SMC2: variants seen among roughly 807,000 people sequenced by gnomAD.
The protein encoded by SMC2 is structural maintenance of chromosomes protein 2.
In SMC2, 41 loss-of-function variants were observed where a neutral mutation model predicts 142.6. The ratio of observed to expected loss-of-function variants is 0.29; its 90% CI spans 0.22 to 0.37. The LOEUF is 0.37. Ranked by LOEUF, SMC2 falls within the 10% of genes least tolerant of loss-of-function variation. The pLI, the probability that SMC2 is intolerant of heterozygous loss-of-function variation, is 1.00. For synonymous variants in SMC2, 463 were observed against 457.5 expected (o/e 1.01, Z -0.15); for missense variants, 1,265 against 1,373.7 (o/e 0.92, Z 1.25).
At chr9:104,103,628 A>G (rs1831419533) in intron 9 of SMC2, among the ~76,000 whole-genome samples, 1 of 152,216 alleles carries the variant, frequency 6.6e-6, no homozygotes, top group Non-Finnish European at 1.5e-5. Context: ...AGTCAAGTAT[A>G]TAGTCTCACA....
rs372814232 is a variant in SMC2, at chr9:104,099,655, A to G, written c.453A>G (p.Thr151=). The stretch of plus-strand genomic sequence containing the variant: ...TATTTTATTTTCAGGGCCGAATTAC[A>G]AAAGTATTGAATATGAAACCTCCAG... The part of the protein sequence containing the change: ...PHFLIMQGRI[T]KVLNMKPPEI... Residue 151 remains threonine, a synonymous_variant, in exon 5 of 25, where the codon ACA becomes ACG. Transcript: ENST00000374793. The G allele has an allele frequency of 1.7e-5, 27 of 1,570,866 alleles. No homozygotes were observed. The highest frequency in any genetic ancestry group is 4.1e-5 in the African/African-American group (3 of 73,980).
At chr9:104,123,423 G>A (rs1291074268) in intron 17 of SMC2, among the ~76,000 whole-genome samples, 191 bp downstream of exon 17, 2 of 152,092 alleles carry the variant, frequency 1.3e-5, no homozygotes, top group Non-Finnish European at 2.9e-5. Flanking sequence ...TCAAAGGTCT[G>A]TTCGTTTTTA....
At chr9:104,137,174 A>T (rs908528791) in intron 23 of SMC2, among the ~76,000 whole-genome samples, 1 of 152,184 alleles carries the variant, frequency 6.6e-6, no homozygotes, top group South Asian at 2.1e-4. Context: ...GCAAGCATTG[A>T]GTTGCCTATT....
At chr9:104,106,958 G>A (rs1030490631) in intron 9 of SMC2, among the ~76,000 whole-genome samples, 2 of 152,112 alleles carry the variant, frequency 1.3e-5, no homozygotes, top group African/African-American at 2.4e-5. Context: ...GGAACTTTCA[G>A]TAAACCCCGC....
At chr9:104,098,241 AC>A (rs1161724119) in intron 3 of SMC2, among the ~76,000 whole-genome samples, 1 of 152,226 alleles carries the variant, frequency 6.6e-6, no homozygotes, top group African/African-American at 2.4e-5. Context: ...ATAACTAGTT[AC>A]CAAAAGTACT....
chr9:104,114,117 T>A, intron 12 of SMC2, 36 bp downstream of exon 12: 1 of 1,213,084 alleles, frequency 8.2e-7, no homozygotes, highest in Non-Finnish European at 1.2e-6. Flanking sequence ...AACATAGTAA[T>A]AATCAAGACA....
At chr9:104,093,245 T>G (rs564210896), upstream of SMC2, among the ~76,000 whole-genome samples, 245 of 152,278 alleles carry the variant, frequency 1.6e-3, no homozygotes, top group African/African-American at 5.7e-3. Flanking sequence ...CCTTCCTAAC[T>G]CTTAAGTATC....
chr9:104,130,324 A>G (rs1454061899), intron 21 of SMC2, among the ~76,000 whole-genome samples: 1 of 152,132 alleles, frequency 6.6e-6, no homozygotes, highest in African/African-American at 2.4e-5. Flanking sequence ...CAAAACTTTG[A>G]GTCTGGGAAG....
chr9:104,102,940 A>G (rs1217934243), intron 9 of SMC2, among the ~76,000 whole-genome samples: 1 of 152,174 alleles, frequency 6.6e-6, no homozygotes, highest in Admixed American at 6.5e-5. Flanking sequence ...GATAAGCTTA[A>G]GAAATACAGT....
intron 9 of SMC2, among the ~76,000 whole-genome samples, chr9:104,105,006 C>G (rs1188874173): frequency 6.6e-6 from 1 of 152,196 alleles, no homozygotes; most frequent in Non-Finnish European, 1.5e-5. Flanking sequence ...GTATTTGTGT[C>G]TCTGCGATAC....
intron 1 of SMC2, among the ~76,000 whole-genome samples, chr9:104,095,017 C>T (rs1830299657): frequency 6.6e-6 from 1 of 152,026 alleles, no homozygotes; most frequent in Admixed American, 6.6e-5. Flanking sequence ...ACATTATAGG[C>T]AAAGATAATG....
At chr9:104,105,147 T>C (rs540237330) in intron 9 of SMC2, among the ~76,000 whole-genome samples, 24 of 152,320 alleles carry the variant, frequency 1.6e-4, no homozygotes, top group Admixed American at 9.1e-4. Context: ...GCCAAGGCAA[T>C]GTTATATATG....
chr9:104,097,420 TA>T (rs11330299), intron 3 of SMC2, among the ~76,000 whole-genome samples: 79,981 of 149,756 alleles, frequency 0.53, 22,181 homozygotes, highest in African/African-American at 0.57. Context: ...ATTTTGTTTT[TA>T]AAAATGTTGT....
chr9:104,139,283 A>C lies in SMC2; in HGVS notation c.3562A>C (p.Lys1188Gln). 6.2e-7 allele frequency: 1 copy of C among 1,600,950 alleles called. No homozygotes were observed. The highest frequency in any genetic ancestry group is 8.5e-7 in the Non-Finnish European group (1 of 1,175,856). ...KISKEAKSKA[K>Q]PPKGAHVEV ...TTCAAAGGAAGCAAAATCCAAGGCA[A>C]AACCACCCAAAGGAGCACATGTGGA... Residue 1188 changes from lysine (K) to glutamine (Q), a missense_variant, in exon 25 of 25, where the codon AAA becomes CAA. Coordinates refer to ENST00000374793, the MANE Select transcript of SMC2 (RefSeq NM_006444.3).
chr9:104,135,781 G>A (rs903526969), intron 23 of SMC2: 13 of 512,236 alleles, frequency 2.5e-5, no homozygotes, highest in South Asian at 9.9e-5. Flanking sequence ...TGGAACATCC[G>A]TAAAGTGCTG....
At chr9:104,117,411 C>T (rs1039342485) in intron 14 of SMC2, among the ~76,000 whole-genome samples, 1 of 152,132 alleles carries the variant, frequency 6.6e-6, no homozygotes, top group Non-Finnish European at 1.5e-5. Context: ...AAAAGAGATG[C>T]TTAGTTTTTC....
chr9:104,134,624 A>C, intron 23 of SMC2, 49 bp downstream of exon 23: 1 of 1,257,362 alleles, frequency 8.0e-7, no homozygotes, highest in Non-Finnish European at 1.1e-6. Context: ...CTTTATTATA[A>C]TTCATCTCCT....
chr9:104,100,158 G>A lies in SMC2; in HGVS notation c.546G>A (p.Gln182=). ...RMYEYKKIAA[Q]KTIEKKEAKL... ...ATGAATACAAAAAAATAGCTGCACA[G>A]AAAACTATAGAAAAAAAGGAGGCTA... Residue 182 remains glutamine, a synonymous_variant, in exon 6 of 25, where the codon CAG becomes CAA. Coordinates refer to ENST00000374793, the MANE Select transcript of SMC2 (RefSeq NM_006444.3). 6.3e-7 allele frequency: 1 copy of A among 1,576,476 alleles called. No individual in the cohort carries two copies. Among genetic ancestry groups the A allele is most frequent in the Non-Finnish European group, 8.5e-7 (1 of 1,169,972 alleles).
chr9:104,121,342 A>C (rs1314823043), intron 16 of SMC2, among the ~76,000 whole-genome samples: 1 of 151,896 alleles, frequency 6.6e-6, no homozygotes, highest in African/African-American at 2.4e-5. Flanking sequence ...AAAAACACAA[A>C]AAAGTTAGTC....
Sources: allele counts gnomAD v4.1 joint callset (sites outside exome capture counted in the v4.1 genomes callset), GRCh38; gene constraint gnomAD v4.1.1; transcripts MANE v1.5; gene names NCBI Gene and HGNC (gene_info 2026-07-23, HGNC 2026-07-21).